CELF2: variants seen among roughly 807,000 people sequenced by gnomAD.
CELF2 encodes the protein CUGBP Elav-like family member 2.
In CELF2, 8 loss-of-function variants were observed where a neutral mutation model predicts 62.6. That is an observed-to-expected ratio of 0.13 (90% confidence interval 0.07 to 0.23). CELF2 has a LOEUF of 0.23. Ranked by LOEUF, CELF2 falls within the 10% of genes least tolerant of loss-of-function variation. The pLI is 1.00. For missense variants in CELF2, 333 were observed against 671.0 expected (o/e 0.50, Z 5.56); for synonymous variants, 258 against 250.0 (o/e 1.03, Z -0.30).
chr10:10,969,286 A>T (rs1203139363), intron 2 of CELF2, among the ~76,000 whole-genome samples: 1 of 152,230 alleles, frequency 6.6e-6, no homozygotes, highest in African/African-American at 2.4e-5. Context: ...GACTTGGGCA[A>T]ACCCCAAAAA....
the CELF2 span, among the ~76,000 whole-genome samples, chr10:10,699,298 A>G: frequency 1.3e-5 from 2 of 152,344 alleles, no homozygotes; most frequent in East Asian, 1.9e-4. Flanking sequence ...AACAATCATG[A>G]CAGTAATTAT....
the CELF2 span, among the ~76,000 whole-genome samples, chr10:10,659,000 G>T: frequency 6.6e-6 from 1 of 151,924 alleles, no homozygotes; most frequent in Non-Finnish European, 1.5e-5. Context: ...GCATAACTGG[G>T]GTGGTTAAAA....
the CELF2 span, among the ~76,000 whole-genome samples, chr10:10,742,150 A>G: frequency 6.6e-6 from 1 of 152,222 alleles, no homozygotes; most frequent in Non-Finnish European, 1.5e-5. Context: ...TGAAATGTCA[A>G]GTCTTCAGAT....
intron 1 of CELF2, among the ~76,000 whole-genome samples, chr10:10,869,019 G>C (rs1032448713): frequency 3.3e-5 from 5 of 152,136 alleles, no homozygotes; most frequent in Non-Finnish European, 5.9e-5. Flanking sequence ...CTAATATTAG[G>C]ACAAACCAAA....
At chr10:10,747,831 C>T in the CELF2 span, among the ~76,000 whole-genome samples, 35 of 152,282 alleles carry the variant, frequency 2.3e-4, no homozygotes, top group Middle Eastern at 3.4e-3. Flanking sequence ...CTCAGCCTCC[C>T]GAGTAGCTGG....
Position 11,334,580 on chromosome 10 carries a change from T to C in CELF2, c.*5527T>C, listed in dbSNP as rs1363336736. 1 of 152,372 alleles carries C rather than the reference T, an allele frequency of 6.6e-6. No homozygotes were observed. 9.4% of individuals were successfully genotyped at this position (152,372 alleles called of 1,614,324 possible). The stretch of plus-strand genomic sequence containing the variant: ...CACTTGAACTCCTGCTTCCAAGATT[T>C]ATACACTTTTTTCCTACAGTTCACC... On this transcript the variant is annotated 3_prime_UTR_variant, in exon 13 of 13. Transcript: ENST00000633077.
intron 2 of CELF2, among the ~76,000 whole-genome samples, chr10:10,999,849 A>C (rs1367353527): frequency 4.6e-5 from 7 of 152,244 alleles, no homozygotes; most frequent in Admixed American, 3.9e-4. Context: ...AGTGCACCAA[A>C]GGTCATATTC....
Position 11,288,551 on chromosome 10 carries a change from C to T in CELF2, c.975C>T (p.Pro325=), listed in dbSNP as rs1220043140. The T allele has an allele frequency of 2.2e-5, 36 of 1,613,452 alleles. No individual in the cohort carries two copies. Among genetic ancestry groups the T allele is most frequent in the Admixed American group, 3.3e-5 (2 of 59,984 alleles). Residue 325 remains proline (P), a splice_region_variant and synonymous_variant, in exon 9 of 13, where the codon CCC becomes CCT. Transcript: ENST00000633077. ...TSSALGALTS[P]VAASTPNSTA... ...GCGCCCTGGGAGCCCTCACGAGTCC[C>T]GGTGAGTGTGGGGGGTGCTCTTCCC...
chr10:10,893,803 C>G (rs1459376689), intron 1 of CELF2, among the ~76,000 whole-genome samples: 1 of 152,156 alleles, frequency 6.6e-6, no homozygotes, highest in Non-Finnish European at 1.5e-5. Flanking sequence ...AGAGCTCACT[C>G]ACTATCTCAA....
chr10:10,624,050 C>T, the CELF2 span, among the ~76,000 whole-genome samples: 1 of 152,134 alleles, frequency 6.6e-6, no homozygotes, highest in Non-Finnish European at 1.5e-5. Flanking sequence ...CTTGTCTCTG[C>T]GTTTCCAATT....
the CELF2 span, among the ~76,000 whole-genome samples, chr10:10,768,346 A>G: frequency 6.6e-6 from 1 of 152,052 alleles, no homozygotes; most frequent in Non-Finnish European, 1.5e-5. Context: ...GTAATGTGGC[A>G]GGGACACAGG....
the CELF2 span, among the ~76,000 whole-genome samples, chr10:10,649,527 C>A: frequency 2.0e-5 from 3 of 151,784 alleles, no homozygotes; most frequent in Non-Finnish European, 4.4e-5. Flanking sequence ...CTTAGGGATA[C>A]ATCTCATAGA....
the CELF2 span, among the ~76,000 whole-genome samples, chr10:10,758,731 A>G: frequency 0.56 from 85,172 of 151,808 alleles, 24,600 homozygotes; most frequent in African/African-American, 0.7. Flanking sequence ...TATAAACAAA[A>G]AATTATAAGT....
intron 7 of CELF2, among the ~76,000 whole-genome samples, chr10:11,273,072 G>T (rs1383689453): frequency 6.6e-6 from 1 of 152,226 alleles, no homozygotes; most frequent in East Asian, 1.9e-4. Flanking sequence ...TTCTGTGTGC[G>T]TGAGAGTATG....
intron 1 of CELF2, among the ~76,000 whole-genome samples, chr10:11,130,741 T>C (rs1178846950): frequency 6.6e-6 from 1 of 152,220 alleles, no homozygotes; most frequent in African/African-American, 2.4e-5. Context: ...CAATAATTGT[T>C]GGGTAAGTGA....
At position 11,178,947 on chromosome 10, in the gene CELF2, C is replaced by T. The variant is rs1018663509; in HGVS notation, c.271+13265C>T. 6.6e-6 allele frequency among the ~76,000 whole-genome samples: 1 copy of T among 152,338 alleles called. No homozygotes were observed. Among genetic ancestry groups the T allele is most frequent in the East Asian group, 1.9e-4 (1 of 5,190 alleles). On this transcript the variant is annotated intron_variant, in intron 2 of 12. Coordinates refer to ENST00000633077, the MANE Select transcript of CELF2 (RefSeq NM_001326342.2). The surrounding 1 kb of genome is among the most constrained non-coding windows in gnomAD (Gnocchi z 4.3). The stretch of plus-strand genomic sequence containing the variant: ...ACTTCAAAGTCAGGAAACCGTTAAA[C>T]CACACTGCATCCTCTCTTGCCCTCT...
Position 11,324,228 on chromosome 10 carries a change from A to T in CELF2, c.1295-1608A>T, listed in dbSNP as rs1237295027. ...ATTTTCTCCCCGGCTTCAGGAGGTG[A>T]GATGTACTTCACAGTTCAAACTGGG... is the stretch of plus-strand genomic sequence containing the variant. On this transcript the variant is annotated intron_variant, in intron 11 of 12. Coordinates refer to ENST00000633077, the MANE Select transcript of CELF2 (RefSeq NM_001326342.2). This position sits in a 1 kb window ranked among gnomAD's most constrained non-coding sequence, Gnocchi z 4.7. Among the ~76,000 whole-genome samples, 1 of 152,212 alleles carries T rather than the reference A, an allele frequency of 6.6e-6. No individual in the cohort carries two copies. Among genetic ancestry groups the T allele is most frequent in the Non-Finnish European group, 1.5e-5 (1 of 68,038 alleles).
intron 1 of CELF2, among the ~76,000 whole-genome samples, chr10:11,040,856 G>T (rs1322917669): frequency 6.6e-6 from 1 of 151,824 alleles, no homozygotes; most frequent in African/African-American, 2.4e-5. Flanking sequence ...CCATTATTCA[G>T]GGCTGCATTA....
chr10:10,626,931 C>G, the CELF2 span, among the ~76,000 whole-genome samples: 36 of 152,278 alleles, frequency 2.4e-4, no homozygotes, highest in African/African-American at 8.7e-4. Flanking sequence ...TAAATCCTAG[C>G]GCAAGGCGGG....
Sources: allele counts gnomAD v4.1 joint callset (sites outside exome capture counted in the v4.1 genomes callset), GRCh38; gene constraint gnomAD v4.1.1; non-coding constraint Gnocchi (gnomAD v3.1); transcripts MANE v1.5; gene names NCBI Gene and HGNC (gene_info 2026-07-23, HGNC 2026-07-21).